The following USP42 variants were observed in gnomAD, a reference collection of about 807,000 sequenced individuals.
USP42 encodes ubiquitin carboxyl-terminal hydrolase 42.
USP42 carries 23 observed loss-of-function variants against 113.0 expected under a neutral mutation model. The observed-to-expected ratio is 0.20, with a 90% CI of 0.15 to 0.29. USP42 has a LOEUF of 0.29. Among genes scored for constraint, USP42 ranks in the 10% least tolerant of loss-of-function variants. The pLI, the probability that USP42 is intolerant of heterozygous loss-of-function variation, is 1.00. For synonymous variants in USP42, 933 were observed against 699.0 expected, an observed-to-expected ratio of 1.33 and a Z score of -5.28; for missense variants, 2,174 against 1,779.8, an observed-to-expected ratio of 1.22 and a Z score of -3.99.
At chr7:6,103,088 A>G (rs888395428), upstream of USP42, among the ~76,000 whole-genome samples, 46 of 151,186 alleles carry the variant, frequency 3.0e-4, 2 homozygotes, top group African/African-American at 1.0e-3. Context: ...GTCCTTAATC[A>G]GTGCAGGGAG....
At chr7:6,136,808 CTTTT>C (rs80342183) in intron 4 of USP42, among the ~76,000 whole-genome samples, 2 of 141,990 alleles carry the variant, frequency 1.4e-5, no homozygotes, top group Admixed American at 7.1e-5. Flanking sequence ...TTCGGTTCTT[CTTTT>C]TTTTTTTTTT....
At chr7:6,125,550 C>G (rs923230244) in intron 3 of USP42, among the ~76,000 whole-genome samples, 1 of 152,180 alleles carries the variant, frequency 6.6e-6, no homozygotes, top group Non-Finnish European at 1.5e-5. Context: ...TGGTAATATA[C>G]TCCATCTTTC....
intron 2 of USP42, among the ~76,000 whole-genome samples, chr7:6,114,848 G>A (rs937465739): frequency 1.3e-5 from 2 of 150,768 alleles, no homozygotes; most frequent in Non-Finnish European, 3.0e-5. Flanking sequence ...CCGTCACCGC[G>A]CCTGGCTAAT....
At chr7:6,109,952 C>T (rs953440835) in intron 1 of USP42, among the ~76,000 whole-genome samples, 3 of 151,320 alleles carry the variant, frequency 2.0e-5, no homozygotes, top group Non-Finnish European at 2.9e-5. Context: ...TCACCTGCCT[C>T]GGCCTCCCAA....
chr7:6,144,317 A>AT, intron 9 of USP42, 121 bp downstream of exon 9: 1 of 639,690 alleles, frequency 1.6e-6, no homozygotes, highest in East Asian at 3.4e-5. Flanking sequence ...TATTACCTAC[A>AT]TTTGGGCTTC....
At chr7:6,135,532 T>C (rs1255080837) in intron 3 of USP42, among the ~76,000 whole-genome samples, 1 of 150,814 alleles carries the variant, frequency 6.6e-6, no homozygotes, top group African/African-American at 2.4e-5. Context: ...CATGTAGTAG[T>C]CCCAGCTACT....
chr7:6,108,092 G>A (rs1030883488), intron 1 of USP42, among the ~76,000 whole-genome samples: 10 of 152,180 alleles, frequency 6.6e-5, no homozygotes, highest in African/African-American at 2.4e-4. Context: ...GCTGAGGCAA[G>A]AGAATCACTT....
chr7:6,139,001 C>G lies in USP42; in HGVS notation c.554-91C>G, dbSNP rs1425175350. The G allele has an allele frequency of 6.3e-6, 5 of 792,814 alleles. No homozygotes were observed. The East Asian group carries it at 1.4e-4, about 23-fold the overall frequency. 49.1% of individuals were successfully genotyped at this position (792,814 alleles called of 1,614,324 possible). On this transcript the variant is annotated intron_variant, in intron 4 of 17. Coordinates refer to ENST00000306177, the MANE Select transcript of USP42 (RefSeq NM_032172.3). The surrounding 1 kb of genome is among the most constrained non-coding windows in gnomAD (Gnocchi z 4.5). ...AAGTAAGTATTTGGGAGTTTTCCAA[C>G]CAACATATTATTATAAGATATATTT...
Position 6,154,256 on chromosome 7 carries a change from C to T in USP42, c.2702C>T (p.Ala901Val), listed in dbSNP as rs748588143. The T allele has an allele frequency of 1.2e-6, 2 of 1,604,624 alleles. No homozygotes were observed. Among genetic ancestry groups the T allele is most frequent in the South Asian group, 1.1e-5 (1 of 90,294 alleles). The change falls in exon 15 of 18, where the codon GCT becomes GTT. Residue 901 changes from alanine to valine, a missense_variant. Physicochemically the swap from Ala to Val is moderately conservative, Grantham distance 64 (BLOSUM62 0). Transcript: ENST00000306177. ...CCCGAGGCCGCAGAGCGGCCGCCAG[C>T]TCCTGTGCTGGACATGGCCCCGGCC... ...GAPEAAERPP[A>V]PVLDMAPAGH...
chr7:6,154,209 C>A lies in USP42; in HGVS notation c.2655C>A (p.Asp885Glu). The A allele has an allele frequency of 6.2e-7, 1 of 1,606,528 alleles. No homozygotes were observed. Among genetic ancestry groups the A allele is most frequent in the Non-Finnish European group, 8.5e-7 (1 of 1,178,938 alleles). Residue 885 changes from aspartate (D) to glutamate (E), a missense_variant, in exon 15 of 18, where the codon GAC (aspartate) becomes GAA (glutamate). By Grantham distance (45) the Asp-to-Glu change is conservative. Coordinates refer to ENST00000306177, the MANE Select transcript of USP42 (RefSeq NM_032172.3). The part of the protein sequence containing the change: ...PSGDHARDAQ[D>E]PSQSLGAPEA... ...GGGACCACGCCCGGGACGCTCAGGA[C>A]CCATCCCAGAGCTTGGGCGCACCCG...
chr7:6,111,518 G>A, intron 2 of USP42, 144 bp downstream of exon 2: 5 of 929,482 alleles, frequency 5.4e-6, no homozygotes, highest in Non-Finnish European at 7.8e-6. Flanking sequence ...GATGGGCTTT[G>A]TTTTCCTGTT....
intron 14 of USP42, among the ~76,000 whole-genome samples, chr7:6,151,028 C>T (rs1160090450): frequency 6.6e-6 from 1 of 152,202 alleles, no homozygotes; most frequent in African/African-American, 2.4e-5. Flanking sequence ...ACCTGCACAG[C>T]CTGTGACTGC....
At position 6,159,312 on chromosome 7, in the gene USP42, C is replaced by T. The variant is rs1302844381; in HGVS notation, c.3944-138C>T. On this transcript the variant is annotated intron_variant, in intron 16 of 17. Coordinates refer to ENST00000306177, the MANE Select transcript of USP42 (RefSeq NM_032172.3). This position sits in a 1 kb window ranked among gnomAD's most constrained non-coding sequence, Gnocchi z 4.1. ...TGAGCGCTGGGACATCCCTGCTCACCTCACTGGGGAGTGGCCTCAGGCGCT... is the reference window on the plus strand; with the variant it reads ...TGAGCGCTGGGACATCCCTGCTCACTTCACTGGGGAGTGGCCTCAGGCGCT... 2 of 1,085,600 alleles carry T rather than the reference C, an allele frequency of 1.8e-6. No individual in the cohort carries two copies. The highest frequency in any genetic ancestry group is 2.7e-6 in the Non-Finnish European group (2 of 730,282). The allele number at this position is 1,085,600 out of a possible 1,614,324, so 67.2% of individuals were successfully genotyped here.
chr7:6,104,097 C>G (rs535288055), upstream of USP42, among the ~76,000 whole-genome samples: 1 of 151,358 alleles, frequency 6.6e-6, no homozygotes, highest in East Asian at 1.9e-4. Context: ...TTTTTTGAGA[C>G]AGACTCTCGC....
chr7:6,152,275 G>T (rs11980833), intron 14 of USP42, among the ~76,000 whole-genome samples: 2,517 of 152,354 alleles, frequency 0.017, 68 homozygotes, highest in African/African-American at 0.058. Flanking sequence ...TCATCAGGAA[G>T]TCGTGTTCTC....
intron 3 of USP42, among the ~76,000 whole-genome samples, chr7:6,129,432 C>T (rs1455712976): frequency 6.6e-6 from 1 of 151,382 alleles, no homozygotes; most frequent in African/African-American, 2.4e-5. Context: ...TGGCGGGCGC[C>T]TGTAATCCCA....
At chr7:6,099,337 C>G in the USP42 span, among the ~76,000 whole-genome samples, 6 of 147,444 alleles carry the variant, frequency 4.1e-5, 1 homozygote, top group Non-Finnish European at 9.0e-5. Context: ...GCCTTAGCCT[C>G]CCCAGTAGCT....
the USP42 span, among the ~76,000 whole-genome samples, chr7:6,087,022 C>T: frequency 4.7e-5 from 7 of 147,816 alleles, no homozygotes; most frequent in Non-Finnish European, 7.4e-5. Flanking sequence ...GCCACCGCCT[C>T]CAGCCACCAC....
intron 14 of USP42, among the ~76,000 whole-genome samples, chr7:6,153,416 A>T (rs924070012): frequency 6.6e-6 from 1 of 152,194 alleles, no homozygotes; most frequent in Non-Finnish European, 1.5e-5. Context: ...GCTTGATGAT[A>T]TAACATTTTA....
Sources: allele counts gnomAD v4.1 joint callset (sites outside exome capture counted in the v4.1 genomes callset), GRCh38; gene constraint gnomAD v4.1.1; non-coding constraint Gnocchi (gnomAD v3.1); transcripts MANE v1.5; gene names NCBI Gene and HGNC (gene_info 2026-07-23, HGNC 2026-07-21).